GNA11: variants seen among roughly 807,000 people sequenced by gnomAD.
GNA11 encodes G protein subunit alpha 11, also known as guanine nucleotide-binding protein subunit alpha-11.
GNA11 carries 8 observed loss-of-function variants against 38.2 expected under a neutral mutation model. That is an observed-to-expected ratio of 0.21 (90% CI 0.12 to 0.38). The LOEUF (loss-of-function observed/expected upper bound fraction) is 0.38. Ranked by LOEUF, GNA11 falls within the 10% of genes least tolerant of loss-of-function variation. GNA11 has a pLI of 1.00. For synonymous variants in GNA11, 211 were observed against 221.4 expected (o/e 0.95, Z 0.42); for missense variants, 268 against 516.3 (o/e 0.52, Z 4.66).
intron 1 of GNA11, among the ~76,000 whole-genome samples, chr19:3,106,185 G>A (rs996344752): frequency 6.6e-6 from 1 of 152,236 alleles, no homozygotes; most frequent in East Asian, 1.9e-4. Flanking sequence ...GGGTGGGAGC[G>A]AGTCTCTGCT....
chr19:3,111,849 C>T (rs1465965574), intron 2 of GNA11, among the ~76,000 whole-genome samples: 2 of 152,228 alleles, frequency 1.3e-5, no homozygotes, highest in Non-Finnish European at 2.9e-5. Flanking sequence ...CCATTGATCC[C>T]GCTTTCGTAG....
At chr19:3,107,556 G>T (rs1297262962) in intron 1 of GNA11, among the ~76,000 whole-genome samples, 1 of 152,228 alleles carries the variant, frequency 6.6e-6, no homozygotes, top group East Asian at 1.9e-4. Context: ...TTCAGTGTGT[G>T]TGAGTGTTTG....
Position 3,123,590 on chromosome 19 carries a change from C to T in GNA11, c.*2411C>T, listed in dbSNP as rs1397346454. 2.6e-5 allele frequency: 6 copies of T among 233,016 alleles called. No homozygotes were observed. The highest frequency in any genetic ancestry group is 1.8e-4 in the East Asian group (3 of 16,562). 14.4% of individuals were successfully genotyped at this position (233,016 alleles called of 1,614,324 possible). On this transcript the variant is annotated 3_prime_UTR_variant, in exon 7 of 7. Coordinates refer to ENST00000078429, the MANE Select transcript of GNA11 (RefSeq NM_002067.5). The stretch of plus-strand genomic sequence containing the variant: ...CCACCTTCTCCGACCATGTTACGCC[C>T]GGGCGGCAGCAGCCCCCGGCCACTG...
At chr19:3,097,699 C>T (rs2145303675) in intron 1 of GNA11, among the ~76,000 whole-genome samples, 1 of 152,202 alleles carries the variant, frequency 6.6e-6, no homozygotes, top group East Asian at 1.9e-4. Context: ...TAGAGCTGGA[C>T]GGGGCTCCGG....
rs919586632 is a variant in GNA11, at chr19:3,123,638, C to T, written c.*2459C>T. Reference sequence around the variant, plus strand: ...CTGCAAACCCATGCCCTGGGTCCCCCGGCTCCCCCAGGGAGGCATCCCCGT... The same window carrying T: ...CTGCAAACCCATGCCCTGGGTCCCCTGGCTCCCCCAGGGAGGCATCCCCGT... On this transcript the variant is annotated 3_prime_UTR_variant, in exon 7 of 7. Coordinates refer to ENST00000078429, the MANE Select transcript of GNA11 (RefSeq NM_002067.5). The T allele has an allele frequency of 6.0e-5, 14 of 232,730 alleles. No individual in the cohort carries two copies. Among genetic ancestry groups the T allele is most frequent in the African/African-American group, 2.2e-4 (10 of 45,304 alleles). 14.4% of individuals were successfully genotyped at this position (232,730 alleles called of 1,614,324 possible).
At position 3,120,185 on chromosome 19, in the gene GNA11, G is replaced by A. The variant is rs889114314; in HGVS notation, c.890-804G>A. 7.2e-5 allele frequency among the ~76,000 whole-genome samples: 11 copies of A among 152,038 alleles called. No individual in the cohort carries two copies. The highest frequency in any genetic ancestry group is 1.0e-4 in the Non-Finnish European group (7 of 67,964). The stretch of plus-strand genomic sequence containing the variant: ...GGTGCCCTGCCTCTGGATGTGCAGC[G>A]AGAGGGAGGGGTCTGGCACACGGTA... On this transcript the variant is annotated intron_variant, in intron 6 of 6. Transcript: ENST00000078429. This position sits in a 1 kb window ranked among gnomAD's most constrained non-coding sequence, Gnocchi z 5.9.
At chr19:3,109,511 G>A (rs1218750425) in intron 1 of GNA11, among the ~76,000 whole-genome samples, 1 of 152,226 alleles carries the variant, frequency 6.6e-6, no homozygotes, top group Non-Finnish European at 1.5e-5. Context: ...AGACGTAAAG[G>A]GGTTCAGGGA....
At position 3,110,108 on chromosome 19, in the gene GNA11, G is replaced by C; in HGVS notation, c.137-41G>C. ...AGAGGGGGCAGCAGCACGAGAGTCA[G>C]GCCCCGGCTGCCGCCCGCCCTCACG... On this transcript the variant is annotated intron_variant, in intron 1 of 6. Coordinates refer to ENST00000078429, the MANE Select transcript of GNA11 (RefSeq NM_002067.5). The surrounding 1 kb of genome is among the most constrained non-coding windows in gnomAD (Gnocchi z 5.4). The C allele has an allele frequency of 6.6e-7, 1 of 1,515,974 alleles. No individual in the cohort carries two copies. The highest frequency in any genetic ancestry group is 9.0e-7 in the Non-Finnish European group (1 of 1,116,060). 93.9% of individuals were successfully genotyped at this position (1,515,974 alleles called of 1,614,324 possible). A position where few individuals can be genotyped will look rare whatever the true frequency, so the allele number is the denominator to read the frequency against.
Position 3,123,230 on chromosome 19 carries a change from G to A in GNA11, c.*2051G>A, listed in dbSNP as rs1376782157. The A allele has an allele frequency of 3.9e-5, 9 of 233,234 alleles. No individual in the cohort carries two copies. Among genetic ancestry groups the A allele is most frequent in the East Asian group, 6.0e-5 (1 of 16,590 alleles). 14.4% of individuals were successfully genotyped at this position (233,234 alleles called of 1,614,324 possible). On this transcript the variant is annotated 3_prime_UTR_variant, in exon 7 of 7. Transcript: ENST00000078429. ...GGTGGAGTCGCCCAGCACGCAGGCC[G>A]GGGCGCTGCGGGGCTAAGTATTAGG... is the stretch of plus-strand genomic sequence containing the variant.
chr19:3,107,116 G>T (rs1913658539), intron 1 of GNA11, among the ~76,000 whole-genome samples: 1 of 151,910 alleles, frequency 6.6e-6, no homozygotes, highest in South Asian at 2.1e-4. Context: ...CATGCCTGTA[G>T]TCCTAGCTAC....
rs571839041 is a variant in GNA11 at position 3,100,652 on chromosome 19, C to T, written c.136+5865C>T. The stretch of plus-strand genomic sequence containing the variant: ...GCAGAAGGGGTCTCCGGGGACAGTG[C>T]GCAGCTGGCTCTCAGAAGCTTCTTT... On this transcript the variant is annotated intron_variant, in intron 1 of 6. Coordinates refer to ENST00000078429, the MANE Select transcript of GNA11 (RefSeq NM_002067.5). Among the ~76,000 whole-genome samples, 9 of 152,240 alleles carry T rather than the reference C, an allele frequency of 5.9e-5. No individual in the cohort carries two copies. The South Asian group carries it at 8.3e-4, about 14-fold the overall frequency.
At chr19:3,100,410 C>T (rs1289752475) in intron 1 of GNA11, among the ~76,000 whole-genome samples, 2 of 152,248 alleles carry the variant, frequency 1.3e-5, no homozygotes, top group Non-Finnish European at 2.9e-5. Context: ...GCTGCGTGTC[C>T]TTGGTCCCCT....
chr19:3,105,503 T>C (rs903636697), intron 1 of GNA11, among the ~76,000 whole-genome samples: 2 of 152,124 alleles, frequency 1.3e-5, no homozygotes, highest in African/African-American at 4.8e-5. Flanking sequence ...CGGTGCCTTC[T>C]TGCTGTGTCC....
intron 1 of GNA11, among the ~76,000 whole-genome samples, chr19:3,101,546 T>C (rs757395867): frequency 9.0e-6 from 1 of 111,266 alleles, no homozygotes. Flanking sequence ...CCTGGGTAGA[T>C]GTCTGGAGAG....
intron 1 of GNA11, among the ~76,000 whole-genome samples, chr19:3,101,652 G>C (rs970608359): frequency 6.6e-6 from 1 of 152,180 alleles, no homozygotes; most frequent in African/African-American, 2.4e-5. Flanking sequence ...GCGGGGGTCT[G>C]TCCCTGTCCC....
chr19:3,106,537 G>A (rs907496131), intron 1 of GNA11, among the ~76,000 whole-genome samples: 13 of 152,170 alleles, frequency 8.5e-5, no homozygotes, highest in Non-Finnish European at 1.8e-4. Flanking sequence ...GGCTTCCGGT[G>A]GCCCAGAACT....
chr19:3,112,751 G>C (rs934422985), intron 2 of GNA11, among the ~76,000 whole-genome samples: 1 of 152,258 alleles, frequency 6.6e-6, no homozygotes, highest in Non-Finnish European at 1.5e-5. Context: ...TTAGCACCGG[G>C]TGTGGTATCT....
rs749333831 is a variant in GNA11 at position 3,122,201 on chromosome 19, G to A, written c.*1022G>A. On this transcript the variant is annotated 3_prime_UTR_variant, in exon 7 of 7. Transcript: ENST00000078429. The surrounding 1 kb of genome is among the most constrained non-coding windows in gnomAD (Gnocchi z 7.7). ...GTGATGTCACCAATTTGGAAACAGC[G>A]AGGGTGGGTGGGGACTTTTACAGAA... The A allele has an allele frequency of 5.6e-5, 13 of 233,030 alleles. No individual in the cohort carries two copies. The highest frequency in any genetic ancestry group is 7.6e-5 in the Non-Finnish European group (9 of 117,712). 14.4% of individuals were successfully genotyped at this position (233,030 alleles called of 1,614,324 possible). A position where few individuals can be genotyped will look rare whatever the true frequency, so the allele number is the denominator to read the frequency against.
chr19:3,111,578 G>A (rs1370253273), intron 2 of GNA11, among the ~76,000 whole-genome samples: 1 of 152,232 alleles, frequency 6.6e-6, no homozygotes, highest in African/African-American at 2.4e-5. Flanking sequence ...GAGGACATTT[G>A]AGTGCCTTCA....
Sources: allele counts gnomAD v4.1 joint callset (sites outside exome capture counted in the v4.1 genomes callset), GRCh38; gene constraint gnomAD v4.1.1; non-coding constraint Gnocchi (gnomAD v3.1); transcripts MANE v1.5; gene names NCBI Gene and HGNC (gene_info 2026-07-23, HGNC 2026-07-21).